Variants in PTPN22 observed in about 807,000 individuals in gnomAD.
PTPN22 encodes the protein tyrosine-protein phosphatase non-receptor type 22.
Under a neutral mutation model 103.3 loss-of-function variants are expected in PTPN22, and 85 were observed. The observed-to-expected ratio is 0.82, with a 90% CI of 0.69 to 0.99. The LOEUF is 0.99. Ranked by LOEUF, PTPN22 falls within the 50% of genes least tolerant of loss-of-function variation. The pLI, the probability that PTPN22 is intolerant of heterozygous loss-of-function variation, is 0.00. For missense variants in PTPN22, 865 were observed against 936.9 expected (o/e 0.92, Z 1.00); for synonymous variants, 323 against 310.2 (o/e 1.04, Z -0.43).
In PTPN22 at chr1:113,831,732, C is replaced by T. The variant is rs540195044; in HGVS notation, c.2053+1379G>A. On this transcript the variant is annotated intron_variant, in intron 16 of 20. Coordinates refer to ENST00000359785, the Ensembl canonical transcript of PTPN22. ...TCCACTCAGCGAAACCTTTCCTAAC[C>T]ACTCCAGTAATGCCATCCTGTTTTC... is the stretch of plus-strand genomic sequence containing the variant. 2.0e-5 allele frequency among the ~76,000 whole-genome samples: 3 copies of T among 152,266 alleles called. No homozygotes were observed. In the East Asian group the frequency reaches 5.8e-4, roughly 29 times the overall value.
chr1:113,837,649 A>T lies in PTPN22; in HGVS notation c.1751T>A (p.Leu584Ter). Residue 584 changes from leucine (L) to a stop codon, truncating the protein, a stop_gained, in exon 13 of 21, where the codon TTA (leucine) becomes TAA (stop). Coordinates refer to ENST00000359785, the Ensembl canonical transcript of PTPN22. LOFTEE classifies it high-confidence loss of function. Reference sequence around the variant, plus strand: ...AATATTGGTTGGAGAATTCAGTGATAAAGAATCATGTGAATTGTAATAAGA... The same window carrying T: ...AATATTGGTTGGAGAATTCAGTGATTAAGAATCATGTGAATTGTAATAAGA... 1 of 1,604,940 alleles carries T rather than the reference A, an allele frequency of 6.2e-7. No individual in the cohort carries two copies. The highest frequency in any genetic ancestry group is 1.7e-5 in the Admixed American group (1 of 60,014).
intron 1 of PTPN22, among the ~76,000 whole-genome samples, chr1:113,865,177 G>C (rs997093299): frequency 1.3e-5 from 2 of 152,216 alleles, no homozygotes; most frequent in Non-Finnish European, 2.9e-5. Context: ...TGGATTAGCT[G>C]TTGTTACTGT....
intron 18 of PTPN22, among the ~76,000 whole-genome samples, chr1:113,827,246 A>G (rs1266240472): frequency 6.6e-6 from 1 of 152,084 alleles, no homozygotes; most frequent in Non-Finnish European, 1.5e-5. Flanking sequence ...ATTTTTAGTT[A>G]TTTTTTAAAA....
intron 15 of PTPN22, among the ~76,000 whole-genome samples, 156 bp downstream of exon 15, chr1:113,834,153 T>C (rs1318506772): frequency 6.6e-6 from 1 of 152,270 alleles, no homozygotes. Flanking sequence ...GCAAGAATTG[T>C]GTCTTATACA....
At chr1:113,854,640 A>G (rs2102087318) in intron 8 of PTPN22, 103 bp from the exon 9 acceptor site, 3 of 1,208,400 alleles carry the variant, frequency 2.5e-6, no homozygotes, top group Non-Finnish European at 3.6e-6. Flanking sequence ...GGAAGAAGAT[A>G]CCTGGGGACA....
In PTPN22 at chr1:113,833,059, A is replaced by C. The variant is rs767346337; in HGVS notation, c.2053+52T>G. 2.0e-6 allele frequency: 3 copies of C among 1,498,684 alleles called. No homozygotes were observed. The East Asian group carries it at 6.8e-5, about 34-fold the overall frequency. The allele number at this position is 1,498,684 out of a possible 1,614,324, so 92.8% of individuals were successfully genotyped here. On this transcript the variant is annotated intron_variant, in intron 16 of 20. Coordinates refer to ENST00000359785, the Ensembl canonical transcript of PTPN22. ...TGAATTACTCTAAACTTAACGAACC[A>C]TTCTTCCAATCTTAGGGCTAAATGT...
chr1:113,848,410 G>T, intron 11 of PTPN22, 130 bp downstream of exon 11: 2 of 1,252,156 alleles, frequency 1.6e-6, no homozygotes, highest in South Asian at 1.3e-5. Context: ...AATTTTCAGT[G>T]CAGCCCTATG....
intron 16 of PTPN22, among the ~76,000 whole-genome samples, chr1:113,830,349 C>G (rs1404454412): frequency 6.6e-6 from 1 of 152,084 alleles, no homozygotes; most frequent in African/African-American, 2.4e-5. Context: ...TTAAATAAAA[C>G]CATTGTGATA....
rs753145857 is a variant in PTPN22 at position 113,871,528 on chromosome 1, A to G, written c.87+9T>C. The stretch of plus-strand genomic sequence containing the variant: ...TAACTACCCTGAGAGGGTCACATAC[A>G]GGACTCACCAGAAATTCATTGGCAA... On this transcript the variant is annotated intron_variant, in intron 1 of 20. Coordinates refer to ENST00000359785, the Ensembl canonical transcript of PTPN22. 3.1e-6 allele frequency: 5 copies of G among 1,612,680 alleles called. No individual in the cohort carries two copies. The highest frequency in any genetic ancestry group is 4.2e-6 in the Non-Finnish European group (5 of 1,178,704).
intron 3 of PTPN22, among the ~76,000 whole-genome samples, 176 bp from the exon 4 acceptor site, chr1:113,858,749 C>T (rs921417875): frequency 6.6e-6 from 1 of 152,016 alleles, no homozygotes; most frequent in Non-Finnish European, 1.5e-5. Flanking sequence ...AGGCAATCCC[C>T]TTTCCTCAGC....
chr1:113,833,214 ATT>A, intron 15 of PTPN22, 76 bp from the exon 16 acceptor site: 1 of 1,169,850 alleles, frequency 8.5e-7, no homozygotes, highest in Non-Finnish European at 1.2e-6. Context: ...AAAAAATGGC[ATT>A]TTTGAACTTA....
chr1:113,846,497 A>G (rs898019394), intron 11 of PTPN22, among the ~76,000 whole-genome samples: 1 of 152,196 alleles, frequency 6.6e-6, no homozygotes, highest in African/African-American at 2.4e-5. Flanking sequence ...TTTTGCTTCA[A>G]TTGTAAAACA....
At chr1:113,842,223 G>A (rs979345240) in intron 11 of PTPN22, among the ~76,000 whole-genome samples, 1 of 151,824 alleles carries the variant, frequency 6.6e-6, no homozygotes, top group Non-Finnish European at 1.5e-5. Context: ...AAAAAGTAGG[G>A]GTGGGTGGGA....
chr1:113,857,653 C>G, intron 5 of PTPN22, 85 bp downstream of exon 5: 1 of 1,261,998 alleles, frequency 7.9e-7, no homozygotes, highest in Admixed American at 1.9e-5. Flanking sequence ...TCTAGGTACA[C>G]TCAGGTAAGT....
chr1:113,863,335 C>T (rs573794080), intron 1 of PTPN22, among the ~76,000 whole-genome samples: 3 of 152,240 alleles, frequency 2.0e-5, no homozygotes, highest in Admixed American at 6.5e-5. Flanking sequence ...TCAAGTGATC[C>T]GCCTGCCTCA....
At chr1:113,814,441 A>G (rs2101842693) in exon 21 of PTPN22, 1 of 153,710 alleles carries the variant, frequency 6.5e-6, no homozygotes, top group Middle Eastern at 3.4e-3. Context: ...GGCAAAAATA[A>G]CTGTCAGGGA....
intron 7 of PTPN22, among the ~76,000 whole-genome samples, 194 bp downstream of exon 7, chr1:113,856,186 TTG>T (rs1432455330): frequency 6.6e-6 from 1 of 152,124 alleles, no homozygotes; most frequent in Non-Finnish European, 1.5e-5. Flanking sequence ...AGCTAATTTT[TTG>T]TGTGTTTTTA....
intron 1 of PTPN22, among the ~76,000 whole-genome samples, chr1:113,868,852 A>G (rs1666333393): frequency 2.0e-5 from 3 of 151,804 alleles, no homozygotes; most frequent in Non-Finnish European, 4.4e-5. Flanking sequence ...TGTTTTATGT[A>G]CTTTTCTAAA....
intron 11 of PTPN22, among the ~76,000 whole-genome samples, chr1:113,844,698 C>A (rs1440290334): frequency 6.6e-6 from 1 of 152,080 alleles, no homozygotes; most frequent in Non-Finnish European, 1.5e-5. Context: ...CAGTGTGTTT[C>A]TTTATTTCCT....
Sources: gnomAD v4.1 joint callset for allele counts (sites outside exome capture counted in the v4.1 genomes callset) on GRCh38, gnomAD v4.1.1 for gene constraint, MANE v1.5 for transcripts, NCBI Gene and HGNC (gene_info 2026-07-23, HGNC 2026-07-21) for gene names.